SIPA1L3: variants seen among roughly 807,000 people sequenced by gnomAD.
The protein encoded by SIPA1L3 is signal induced proliferation associated 1 like 3.
A neutral mutation model predicts 150.1 loss-of-function variants in SIPA1L3; 59 were observed. That is an observed-to-expected ratio of 0.39 (90% CI 0.32 to 0.49). The LOEUF (loss-of-function observed/expected upper bound fraction) is 0.49, where lower values mean the gene tolerates loss of function less well. SIPA1L3 is among the 20% of genes least tolerant of loss of function. The pLI, the probability that SIPA1L3 is intolerant of heterozygous loss-of-function variation, is 0.86. For missense variants in SIPA1L3, 2,211 were observed against 2,489.5 expected, an observed-to-expected ratio of 0.89 and a Z score of 2.38; for synonymous variants, 1,070 against 1,077.6, an observed-to-expected ratio of 0.99 and a Z score of 0.14.
chr19:38,134,695 A>T (rs915092101), intron 10 of SIPA1L3, among the ~76,000 whole-genome samples: 2 of 124,496 alleles, frequency 1.6e-5, no homozygotes, highest in Non-Finnish European at 3.2e-5. Context: ...ACAGAGCGAG[A>T]CTCTGTTTCA....
At chr19:38,029,288 A>G (rs1968590813) in intron 2 of SIPA1L3, 132 bp downstream of exon 2, 4 of 152,190 alleles carry the variant, frequency 2.6e-5, no homozygotes, top group African/African-American at 2.4e-5. Context: ...GTCACCCGCA[A>G]GCCTAACGTC....
At chr19:37,997,888 A>C (rs1476560569) in intron 1 of SIPA1L3, among the ~76,000 whole-genome samples, 1 of 151,504 alleles carries the variant, frequency 6.6e-6, no homozygotes, top group African/African-American at 2.4e-5. Context: ...AAAAGAAAAG[A>C]AAAAGAGAGA....
At chr19:38,102,431 A>G (rs1970527459) in intron 6 of SIPA1L3, among the ~76,000 whole-genome samples, 1 of 151,818 alleles carries the variant, frequency 6.6e-6, no homozygotes, top group African/African-American at 2.4e-5. Context: ...TTGGCCTCCC[A>G]AAGTGCTGGA....
chr19:38,141,553 T>A, intron 11 of SIPA1L3, 118 bp downstream of exon 11: 1 of 1,092,736 alleles, frequency 9.2e-7, no homozygotes, highest in South Asian at 1.5e-5. Context: ...GCTTTCGACC[T>A]TCCTTCTTAT....
At position 38,146,904 on chromosome 19, in the gene SIPA1L3, G is replaced by T. The variant is rs1971712600; in HGVS notation, c.3533+4194G>T. 2.0e-5 allele frequency among the ~76,000 whole-genome samples: 3 copies of T among 151,992 alleles called. No individual in the cohort carries two copies. The South Asian group carries it at 6.2e-4, about 32-fold the overall frequency. ...CGTGTCTTTTGTGCGTCTTCTAATT[G>T]GGTGTGATGGTGTTCTGTGTCTAAG... On this transcript the variant is annotated intron_variant, in intron 12 of 21. Transcript: ENST00000222345.
At chr19:37,960,375 T>A (rs2046846331) in intron 1 of SIPA1L3, among the ~76,000 whole-genome samples, 1 of 151,762 alleles carries the variant, frequency 6.6e-6, no homozygotes, top group African/African-American at 2.4e-5. Context: ...TAGCTGGGAC[T>A]ATAGGTGCGC....
At chr19:38,016,691 C>T (rs1968239834) in intron 1 of SIPA1L3, among the ~76,000 whole-genome samples, 2 of 151,916 alleles carry the variant, frequency 1.3e-5, no homozygotes, top group South Asian at 4.2e-4. Context: ...TGGGGTTTCA[C>T]CATGTTGGCC....
chr19:37,944,233 G>A (rs1264541054), intron 1 of SIPA1L3, among the ~76,000 whole-genome samples: 1 of 150,962 alleles, frequency 6.6e-6, no homozygotes, highest in Non-Finnish European at 1.5e-5. Context: ...AGCTGAGATC[G>A]CACCACTGCA....
intron 1 of SIPA1L3, among the ~76,000 whole-genome samples, chr19:37,967,461 C>T (rs2046914515): frequency 6.6e-6 from 1 of 152,054 alleles, no homozygotes; most frequent in Admixed American, 6.6e-5. Flanking sequence ...ACCATGTTGG[C>T]CAGGCTGATC....
At chr19:38,000,409 A>C (rs924112230) in intron 1 of SIPA1L3, among the ~76,000 whole-genome samples, 1 of 148,990 alleles carries the variant, frequency 6.7e-6, no homozygotes, top group Non-Finnish European at 1.5e-5. Context: ...CGGAGGTTTC[A>C]GTGAGCCTAG....
intron 1 of SIPA1L3, among the ~76,000 whole-genome samples, chr19:37,989,756 C>T (rs930730240): frequency 1.3e-5 from 2 of 151,146 alleles, no homozygotes; most frequent in Non-Finnish European, 2.9e-5. Flanking sequence ...ACCTCCGCCT[C>T]CTGGGTTCAA....
intron 4 of SIPA1L3, 46 bp from the exon 5 acceptor site, chr19:38,099,916 T>C (rs2145856398): frequency 1.4e-6 from 2 of 1,467,704 alleles, no homozygotes; most frequent in Non-Finnish European, 9.2e-7. Context: ...TTATCCCTTT[T>C]TAGGTCTCGA....
chr19:38,197,983 G>A (rs571593205), intron 18 of SIPA1L3, among the ~76,000 whole-genome samples: 6 of 150,718 alleles, frequency 4.0e-5, no homozygotes, highest in African/African-American at 7.4e-5. Flanking sequence ...CACACGGTCC[G>A]GCCGTGTTGC....
chr19:38,099,653 C>T (rs1970457232), intron 4 of SIPA1L3, among the ~76,000 whole-genome samples: 1 of 152,110 alleles, frequency 6.6e-6, no homozygotes, highest in Admixed American at 6.6e-5. Flanking sequence ...ATATGTTGAA[C>T]AAATGAAGGT....
At chr19:37,914,668 C>T (rs2046401950) in intron 1 of SIPA1L3, among the ~76,000 whole-genome samples, 1 of 152,082 alleles carries the variant, frequency 6.6e-6, no homozygotes, top group South Asian at 2.1e-4. Context: ...TGAGCCACTG[C>T]AGCCGGCCAC....
Position 38,128,377 on chromosome 19 carries a change from G to A in SIPA1L3, c.2869-2121G>A, listed in dbSNP as rs186369748. ...CGTTTCCCCCACTTTCCAAATTCTC[G>A]CCGTCCAAATCAGGAACCAAACAGA... On this transcript the variant is annotated intron_variant, in intron 9 of 21. Transcript: ENST00000222345. Among the ~76,000 whole-genome samples the A allele has an allele frequency of 8.7e-4, 132 of 152,148 alleles. 3 individuals are homozygous for A. In the South Asian group the frequency reaches 0.025, roughly 29 times the overall value.
chr19:37,967,407 C>T (rs2046914105), intron 1 of SIPA1L3, among the ~76,000 whole-genome samples: 1 of 152,064 alleles, frequency 6.6e-6, no homozygotes, highest in African/African-American at 2.4e-5. Context: ...GCGCCCACCA[C>T]CATGCCTGGT....
chr19:38,123,508 A>G (rs982388741), intron 9 of SIPA1L3, among the ~76,000 whole-genome samples: 51 of 65,728 alleles, frequency 7.8e-4, no homozygotes, highest in Middle Eastern at 0.011. Context: ...TTAACAAAGC[A>G]CATCTTGCAC....
intron 13 of SIPA1L3, among the ~76,000 whole-genome samples, chr19:38,158,392 C>A (rs574092846): frequency 6.6e-6 from 1 of 152,236 alleles, no homozygotes; most frequent in East Asian, 1.9e-4. Flanking sequence ...TAGTTGGAGA[C>A]CCTGAGGTGG....
Sources: gnomAD v4.1 joint callset for allele counts (sites outside exome capture counted in the v4.1 genomes callset) on GRCh38, gnomAD v4.1.1 for gene constraint, MANE v1.5 for transcripts, NCBI Gene and HGNC (gene_info 2026-07-23, HGNC 2026-07-21) for gene names.